Variants in VIM observed in about 807,000 individuals in gnomAD.
VIM encodes epididymis secretory sperm binding protein.
A neutral mutation model predicts 50.3 loss-of-function variants in VIM; 18 were observed. That is an observed-to-expected ratio of 0.36 (90% CI 0.25 to 0.53). The LOEUF is 0.53. VIM is among the 20% of genes least tolerant of loss of function. The pLI, the probability that VIM is intolerant of heterozygous loss-of-function variation, is 0.91. For synonymous variants in VIM, 245 were observed against 248.5 expected, an observed-to-expected ratio of 0.99 and a Z score of 0.13; for missense variants, 551 against 614.7, an observed-to-expected ratio of 0.90 and a Z score of 1.10.
chr10:17,233,272 C>T, intron 3 of VIM: 1 of 357,874 alleles, frequency 2.8e-6, no homozygotes, highest in Admixed American at 4.2e-5. Flanking sequence ...TAAAATATCA[C>T]TGGTAAAATG....
Position 17,229,563 on chromosome 10 carries a change from C to T in VIM, c.141C>T (p.Ser47=). 6.2e-7 allele frequency: 1 copy of T among 1,608,230 alleles called. No homozygotes were observed. ...TYSLGSALRP[S]TSRSLYASSP... is the part of the protein sequence containing the mutation. ...GCCTGGGCAGCGCGCTGCGCCCCAG[C>T]ACCAGCCGCAGCCTCTACGCCTCGT... Residue 47 remains serine, a synonymous_variant, in exon 2 of 10, where the codon AGC becomes AGT. Coordinates refer to ENST00000544301, the MANE Select transcript of VIM (RefSeq NM_003380.5).
chr10:17,230,053 C>T (rs976567404), intron 2 of VIM, 68 bp downstream of exon 2: 8 of 1,507,960 alleles, frequency 5.3e-6, no homozygotes, highest in South Asian at 3.8e-5. Flanking sequence ...AACGCCCCCC[C>T]GGCCCCCGCG....
chr10:17,235,194 G>A lies in VIM; in HGVS notation c.1034G>A (p.Arg345His), dbSNP rs116370722. ...AATGAGTCCCTGGAACGCCAGATGC[G>A]TGAAATGGAAGAGAACTTTGCCGTT... is the stretch of plus-strand genomic sequence containing the variant. ...GTNESLERQM[R>H]EMEENFAVEA... The change falls in exon 7 of 10, where the codon CGT becomes CAT. Residue 345 changes from arginine (R) to histidine (H), a missense_variant. By Grantham distance (29) the Arg-to-His change is conservative (BLOSUM62 0). Around this residue, in one of 3 missense-constraint regions of VIM, gnomAD observed 394 missense variants for 437.5 expected, o/e 0.90. Coordinates refer to ENST00000544301, the MANE Select transcript of VIM (RefSeq NM_003380.5). 4.1e-5 allele frequency: 66 copies of A among 1,614,214 alleles called. No homozygotes were observed. In the East Asian group the frequency reaches 4.5e-4, roughly 11 times the overall value.
Position 17,235,217 on chromosome 10 carries a change from G to T in VIM, c.1057G>T (p.Val353Phe). The change falls in exon 7 of 10, where the codon GTT becomes TTT. Residue 353 changes from valine (V) to phenylalanine (F), a missense_variant. Val to Phe is a conservative substitution (Grantham distance 50). Coordinates refer to ENST00000544301, the MANE Select transcript of VIM (RefSeq NM_003380.5). ...QMREMEENFA[V>F]EAANYQDTIG... ...GCGTGAAATGGAAGAGAACTTTGCCGTTGAAGCTGCTAACTACCAAGACAC... is the reference window on the plus strand; with the variant it reads ...GCGTGAAATGGAAGAGAACTTTGCCTTTGAAGCTGCTAACTACCAAGACAC... The T allele has an allele frequency of 6.2e-7, 1 of 1,614,232 alleles. No homozygotes were observed. Among genetic ancestry groups the T allele is most frequent in the South Asian group, 1.1e-5 (1 of 91,088 alleles).
At chr10:17,236,900 G>A (rs927545471) in intron 9 of VIM, among the ~76,000 whole-genome samples, 3 of 152,138 alleles carry the variant, frequency 2.0e-5, no homozygotes, top group Non-Finnish European at 2.9e-5. Flanking sequence ...AATTTAAAAT[G>A]TACCTGCTGC....
At chr10:17,235,474 T>C in intron 7 of VIM, 85 bp downstream of exon 7, 1 of 1,448,318 alleles carries the variant, frequency 6.9e-7, no homozygotes, top group Non-Finnish European at 9.6e-7. Flanking sequence ...GTGTCACATT[T>C]AATCTTTAGA....
chr10:17,233,736 G>A (rs1249355016), intron 4 of VIM, 34 bp from the exon 5 acceptor site: 6 of 1,614,188 alleles, frequency 3.7e-6, no homozygotes, highest in Middle Eastern at 1.6e-4. Context: ...CCCCACGGTT[G>A]GCAGAGCTGA....
At chr10:17,230,126 G>A (rs893305505) in intron 2 of VIM, 141 bp downstream of exon 2, 3 of 1,127,874 alleles carry the variant, frequency 2.7e-6, no homozygotes, top group Admixed American at 2.9e-5. Flanking sequence ...AGCGGAGAGC[G>A]GGGCTGTGGC....
chr10:17,230,003 C>T lies in VIM; in HGVS notation c.563+18C>T. ...CGGGAGAAGTAAGGCTGCGCCCATG[C>T]AAGTAGCTGGGCCTCGGGAGGGGGC... On this transcript the variant is annotated intron_variant, in intron 2 of 9. Transcript: ENST00000544301. The T allele has an allele frequency of 6.2e-7, 1 of 1,600,682 alleles. No homozygotes were observed. The highest frequency in any genetic ancestry group is 8.5e-7 in the Non-Finnish European group (1 of 1,174,664).
chr10:17,237,124 A>G, intron 9 of VIM, 106 bp from the exon 10 acceptor site: 4 of 1,078,442 alleles, frequency 3.7e-6, no homozygotes, highest in Non-Finnish European at 5.5e-6. Flanking sequence ...TGATTTGCAC[A>G]ATAAATTACA....
chr10:17,234,545 C>T, intron 5 of VIM, 148 bp from the exon 6 acceptor site: 1 of 1,102,502 alleles, frequency 9.1e-7, no homozygotes, highest in Non-Finnish European at 1.3e-6. Flanking sequence ...ATACTAATGT[C>T]AGTACTCCAC....
intron 9 of VIM, 57 bp downstream of exon 9, chr10:17,236,436 A>G (rs981588574): frequency 1.5e-6 from 2 of 1,366,990 alleles, no homozygotes; most frequent in Admixed American, 1.7e-5. Context: ...GATATATTTT[A>G]AAATCAGTGA....
intron 3 of VIM, 65 bp downstream of exon 3, chr10:17,230,775 TA>T: frequency 2.5e-6 from 4 of 1,597,306 alleles, no homozygotes; most frequent in African/African-American, 1.3e-5. Context: ...CGAGCAATTC[TA>T]AAAGTTGCTT....
At chr10:17,233,242 C>G (rs1846827330) in intron 3 of VIM, 1 of 334,532 alleles carries the variant, frequency 3.0e-6, no homozygotes, top group African/African-American at 2.2e-5. Context: ...GCCACCATGA[C>G]CAGCCTTAAA....
intron 6 of VIM, 79 bp downstream of exon 6, chr10:17,234,897 A>T: frequency 6.3e-7 from 1 of 1,589,380 alleles, no homozygotes; most frequent in African/African-American, 1.3e-5. Flanking sequence ...ACCTGAACAA[A>T]ATGTTGAGTG....
intron 9 of VIM, among the ~76,000 whole-genome samples, chr10:17,236,862 GTCA>G (rs2131684735): frequency 6.6e-6 from 1 of 152,246 alleles, no homozygotes; most frequent in South Asian, 2.1e-4. Flanking sequence ...ATTTATTGTA[GTCA>G]TCATGAAATC....
At chr10:17,235,744 G>C (rs1846876145) in intron 7 of VIM, 102 bp from the exon 8 acceptor site, 1 of 1,102,154 alleles carries the variant, frequency 9.1e-7, no homozygotes. Context: ...ATTTAAAACA[G>C]TACGTTTTCT....
intron 2 of VIM, 34 bp downstream of exon 2, chr10:17,230,019 G>T (rs555886506): frequency 6.3e-7 from 1 of 1,583,098 alleles, no homozygotes; most frequent in Admixed American, 1.8e-5. Context: ...GCTGGGCCTC[G>T]GGAGGGGGCT....
At chr10:17,237,055 G>A (rs540999590) in intron 9 of VIM, among the ~76,000 whole-genome samples, 175 bp from the exon 10 acceptor site, 67 of 152,176 alleles carry the variant, frequency 4.4e-4, no homozygotes, top group Non-Finnish European at 7.5e-4. Context: ...TGTAGTGGAA[G>A]AGGGTCTTGT....
Sources: gnomAD v4.1 joint callset for allele counts (sites outside exome capture counted in the v4.1 genomes callset) on GRCh38, gnomAD v4.1.1 for gene constraint, gnomAD v4.1.1 regional missense constraint, MANE v1.5 for transcripts, NCBI Gene and HGNC (gene_info 2026-07-23, HGNC 2026-07-21) for gene names.